FUBP1: variants seen among roughly 807,000 people sequenced by gnomAD.
FUBP1 encodes far upstream element binding protein 1.
FUBP1 carries 16 observed loss-of-function variants against 94.9 expected under a neutral mutation model. The observed-to-expected ratio is 0.17, with a 90% CI of 0.11 to 0.26. The LOEUF (loss-of-function observed/expected upper bound fraction) is 0.26. Among genes scored for constraint, FUBP1 ranks in the 10% least tolerant of loss-of-function variants. The pLI is 1.00. For missense variants in FUBP1, 583 were observed against 808.6 expected (o/e 0.72, Z 3.38); for synonymous variants, 279 against 254.9 (o/e 1.09, Z -0.90).
At chr1:77,957,083 T>C (rs1557429954) in intron 16 of FUBP1, among the ~76,000 whole-genome samples, 1 of 152,176 alleles carries the variant, frequency 6.6e-6, no homozygotes, top group Non-Finnish European at 1.5e-5. Context: ...AAGAAAAACA[T>C]TTCTAGGGAC....
At chr1:77,963,224 T>C (rs1655844012) in intron 13 of FUBP1, among the ~76,000 whole-genome samples, 1 of 152,172 alleles carries the variant, frequency 6.6e-6, no homozygotes, top group Non-Finnish European at 1.5e-5. Context: ...AGTGTAAATA[T>C]AAACTAATAC....
At chr1:77,975,053 T>C (rs1281455700) in intron 1 of FUBP1, among the ~76,000 whole-genome samples, 1 of 152,134 alleles carries the variant, frequency 6.6e-6, no homozygotes, top group Non-Finnish European at 1.5e-5. Context: ...ATGTACATAG[T>C]TGTTGTATTG....
In FUBP1 at chr1:77,948,454, GA is replaced by G; in HGVS notation, c.*311del. 2 of 1,158,008 alleles carry G rather than the reference GA, an allele frequency of 1.7e-6. No homozygotes were observed. Among genetic ancestry groups the G allele is most frequent in the Non-Finnish European group, 2.1e-6 (2 of 939,038 alleles). The allele number at this position is 1,158,008 out of a possible 1,614,324, so 71.7% of individuals were successfully genotyped here. A position where few individuals can be genotyped will look rare whatever the true frequency, so the allele number is the denominator to read the frequency against. On this transcript the variant is annotated 3_prime_UTR_variant, in exon 20 of 20. Transcript: ENST00000370768. ...AGCACAAAACAGGCATTTTAAAAGT[GA>G]AAGTATACATTGAAAAAGTACATTT... is the stretch of plus-strand genomic sequence containing the variant.
intron 16 of FUBP1, among the ~76,000 whole-genome samples, chr1:77,957,640 G>A (rs1654708652): frequency 6.6e-6 from 1 of 152,132 alleles, no homozygotes; most frequent in African/African-American, 2.4e-5. Context: ...GCAATTCTCA[G>A]CTGCTTAATA....
chr1:77,964,247 T>C lies in FUBP1; in HGVS notation c.940+7A>G. ...CCAACACTTACAAGATTATTATATG[T>C]ACTCACCTGGCTTAAACTGAATGCG... On this transcript the variant is annotated splice_region_variant and intron_variant, in intron 11 of 19. Transcript: ENST00000370768. 6.3e-7 allele frequency: 1 copy of C among 1,578,008 alleles called. No homozygotes were observed. Among genetic ancestry groups the C allele is most frequent in the Non-Finnish European group, 8.7e-7 (1 of 1,147,738 alleles).
intron 18 of FUBP1, among the ~76,000 whole-genome samples, chr1:77,954,949 C>T (rs1654172250): frequency 6.6e-6 from 1 of 152,106 alleles, no homozygotes; most frequent in Non-Finnish European, 1.5e-5. Context: ...TCGCCTGACA[C>T]ATTAAAATTT....
At chr1:77,963,021 A>C in intron 13 of FUBP1, 91 bp from the exon 14 acceptor site, 1 of 769,816 alleles carries the variant, frequency 1.3e-6, no homozygotes, top group Non-Finnish European at 2.1e-6. Flanking sequence ...ATGGGCCATT[A>C]AAAATATGGT....
At chr1:77,976,846 A>T (rs1347386332) in intron 1 of FUBP1, among the ~76,000 whole-genome samples, 1 of 152,142 alleles carries the variant, frequency 6.6e-6, no homozygotes, top group Non-Finnish European at 1.5e-5. Flanking sequence ...CAGTATCTGG[A>T]TCCGCTTGTA....
At chr1:77,973,316 G>T (rs1414248326) in intron 1 of FUBP1, among the ~76,000 whole-genome samples, 1 of 152,114 alleles carries the variant, frequency 6.6e-6, no homozygotes, top group Non-Finnish European at 1.5e-5. Flanking sequence ...CGTGATCTGG[G>T]CTCACTGCAA....
chr1:77,967,735 C>T, intron 3 of FUBP1, 69 bp from the exon 4 acceptor site: 3 of 908,188 alleles, frequency 3.3e-6, no homozygotes, highest in Non-Finnish European at 5.1e-6. Flanking sequence ...TTTAACAACA[C>T]AATCACATCA....
intron 1 of FUBP1, among the ~76,000 whole-genome samples, chr1:77,973,605 ACTT>A (rs56669494): frequency 0.023 from 3,454 of 152,242 alleles, 138 homozygotes; most frequent in African/African-American, 0.078. Context: ...ACCATTATCT[ACTT>A]CTTGAATGAG....
chr1:77,947,284 C>A lies in FUBP1; in HGVS notation c.*1482G>T. ...CATTAAGCTCACTTTAAAAAAAATA[C>A]AGAACTATGTATTATTCTATGTTAA... On this transcript the variant is annotated 3_prime_UTR_variant, in exon 20 of 20. Transcript: ENST00000370768. 1 of 297,668 alleles carries A rather than the reference C, an allele frequency of 3.4e-6. No homozygotes were observed. The highest frequency in any genetic ancestry group is 6.5e-6 in the Non-Finnish European group (1 of 153,416). 18.4% of individuals were successfully genotyped at this position (297,668 alleles called of 1,614,324 possible).
chr1:77,949,203 A>G lies in FUBP1; in HGVS notation c.1878T>C (p.Tyr626=). Residue 626 remains tyrosine (Y), a synonymous_variant, in exon 19 of 20, where the codon TAT becomes TAC. Transcript: ENST00000370768. ...AEYYRQQAAY[Y]AQTSPQGMPQ... ...GCATTCCCTGGGGACTTGTCTGGGC[A>G]TAATAGGCTGCTTGTTGTCTATAAT... 2 of 1,613,730 alleles carry G rather than the reference A, an allele frequency of 1.2e-6. No homozygotes were observed. The highest frequency in any genetic ancestry group is 1.7e-6 in the Non-Finnish European group (2 of 1,179,654).
intron 1 of FUBP1, among the ~76,000 whole-genome samples, chr1:77,973,823 TTCATA>T (rs1658065541): frequency 6.6e-6 from 1 of 152,254 alleles, no homozygotes; most frequent in African/African-American, 2.4e-5. Flanking sequence ...GGTCCCCTCA[TTCATA>T]TAACTTATTA....
In FUBP1 at chr1:77,944,951, A is replaced by G. The variant is rs1235677592; in HGVS notation, c.*3815T>C. ...AGCTGTCTTAAAAAAAACTAAAAACATTGTCAAATTTTTGTTTAAGTGCTA... is the reference window on the plus strand; with the variant it reads ...AGCTGTCTTAAAAAAAACTAAAAACGTTGTCAAATTTTTGTTTAAGTGCTA... On this transcript the variant is annotated 3_prime_UTR_variant, in exon 20 of 20. Transcript: ENST00000370768. Among the ~76,000 whole-genome samples the G allele has an allele frequency of 6.6e-6, 1 of 151,944 alleles. No individual in the cohort carries two copies. Among genetic ancestry groups the G allele is most frequent in the East Asian group, 1.9e-4 (1 of 5,198 alleles).
chr1:77,947,373 C>T lies in FUBP1; in HGVS notation c.*1393G>A, dbSNP rs1305783476. ...GTATTCCAACATAATATTCACACAA[C>T]GTATGGCATTTGCATTATGTGGAAC... On this transcript the variant is annotated 3_prime_UTR_variant, in exon 20 of 20. Transcript: ENST00000370768. 1.0e-5 allele frequency: 5 copies of T among 490,660 alleles called. No homozygotes were observed. The highest frequency in any genetic ancestry group is 3.4e-5 in the South Asian group (2 of 59,146). 30.4% of individuals were successfully genotyped at this position (490,660 alleles called of 1,614,324 possible).
chr1:77,970,915 C>T (rs1233904939), intron 1 of FUBP1, among the ~76,000 whole-genome samples: 10 of 151,944 alleles, frequency 6.6e-5, no homozygotes, highest in East Asian at 3.9e-4. Flanking sequence ...TGGTGGTGCA[C>T]GCCCATAGTC....
intron 17 of FUBP1, among the ~76,000 whole-genome samples, chr1:77,956,172 A>G (rs1051603015): frequency 6.6e-6 from 1 of 152,220 alleles, no homozygotes; most frequent in African/African-American, 2.4e-5. Flanking sequence ...TATGATGGTT[A>G]TGTATTTTTG....
upstream of FUBP1, chr1:77,979,085 G>C: frequency 7.3e-7 from 1 of 1,362,424 alleles, no homozygotes; most frequent in Admixed American, 2.5e-5. Context: ...AATGGCGGCC[G>C]TCGAAGCTCT....
Sources: allele counts gnomAD v4.1 joint callset (sites outside exome capture counted in the v4.1 genomes callset), GRCh38; gene constraint gnomAD v4.1.1; transcripts MANE v1.5; gene names NCBI Gene and HGNC (gene_info 2026-07-23, HGNC 2026-07-21).